The following MYOF variants were observed in gnomAD, a reference collection of about 807,000 sequenced individuals.
The protein encoded by MYOF is myoferlin, also known as fer-1-like 3, myoferlin.
In MYOF, 244 loss-of-function variants were observed where a neutral mutation model predicts 284.2. That is an observed-to-expected ratio of 0.86 (90% CI 0.77 to 0.95). The LOEUF is 0.95. Ranked by LOEUF, MYOF falls within the 40% of genes least tolerant of loss-of-function variation. MYOF has a pLI of 0.00. For missense variants in MYOF, 2,496 were observed against 2,560.6 expected, an observed-to-expected ratio of 0.97 and a Z score of 0.54; for synonymous variants, 904 against 919.7, an observed-to-expected ratio of 0.98 and a Z score of 0.31.
Position 93,307,198 on chromosome 10 carries a change from C to G in MYOF, c.6148-197G>C, listed in dbSNP as rs865934864. On this transcript the variant is annotated intron_variant, in intron 53 of 53. Transcript: ENST00000359263. ...CCGAGTGCCAGTAGCACCCCCCCGC[C>G]AAGTTGTTGCAACCAAAATGTCTCC... is the stretch of plus-strand genomic sequence containing the variant. Among the ~76,000 whole-genome samples the G allele has an allele frequency of 3.6e-3, 548 of 151,540 alleles. 4 individuals carry two copies. The highest frequency in any genetic ancestry group is 0.013 in the African/African-American group (527 of 41,334).
At chr10:93,356,035 C>T (rs1262324886) in intron 30 of MYOF, among the ~76,000 whole-genome samples, 4 of 152,074 alleles carry the variant, frequency 2.6e-5, no homozygotes, top group African/African-American at 9.7e-5. Flanking sequence ...AGAGGATAAA[C>T]AGGGAGTAAA....
chr10:93,369,814 C>T, intron 24 of MYOF, 38 bp from the exon 25 acceptor site: 1 of 1,612,106 alleles, frequency 6.2e-7, no homozygotes, highest in Admixed American at 1.7e-5. Flanking sequence ...TTACATTAGG[C>T]ACAGCAAAGA....
chr10:93,452,050 T>C lies in MYOF; in HGVS notation c.236A>G (p.Lys79Arg), dbSNP rs2056606502. The C allele has an allele frequency of 6.2e-7, 1 of 1,604,490 alleles. No individual in the cohort carries two copies. ...VKDFETIGQN[K>R]LIGTATVALK... is the part of the protein sequence containing the mutation. The stretch of plus-strand genomic sequence containing the variant: ...AGAAAAACAGGTGAAAACAACTTAC[T>C]TATTTTGTCCAATTGTCTCAAAATC... The change falls in exon 3 of 54, where the codon AAA becomes AGA. Residue 79 changes from lysine (K) to arginine (R), a missense_variant and splice_region_variant. By Grantham distance (26) the Lys-to-Arg change is conservative (BLOSUM62 2). Around this residue, in one of 3 missense-constraint regions of MYOF, gnomAD observed 2,436 missense variants for 2,480.7 expected, o/e 0.98. Coordinates refer to ENST00000359263, the MANE Select transcript of MYOF (RefSeq NM_013451.4).
chr10:93,335,888 A>G, intron 41 of MYOF, 33 bp downstream of exon 41: 1 of 1,606,232 alleles, frequency 6.2e-7, no homozygotes, highest in African/African-American at 1.3e-5. Context: ...ATGAAGGTGG[A>G]TTTTAAACGG....
At chr10:93,440,888 A>G (rs1291557863) in intron 3 of MYOF, among the ~76,000 whole-genome samples, 5 of 152,220 alleles carry the variant, frequency 3.3e-5, no homozygotes, top group Admixed American at 6.5e-5. Context: ...ACAGATACCA[A>G]CAGGATTGCA....
intron 28 of MYOF, 88 bp downstream of exon 28, chr10:93,361,364 G>A: frequency 7.8e-7 from 1 of 1,288,724 alleles, no homozygotes; most frequent in Non-Finnish European, 1.1e-6. Context: ...CAACAGAAGT[G>A]AGGCCCCTCC....
intron 53 of MYOF, among the ~76,000 whole-genome samples, chr10:93,309,307 T>C (rs1940732919): frequency 6.6e-6 from 1 of 152,168 alleles, no homozygotes; most frequent in South Asian, 2.1e-4. Context: ...AATTTAATCA[T>C]CACTATAACT....
chr10:93,370,314 AT>A (rs916555324), intron 24 of MYOF, among the ~76,000 whole-genome samples: 5,633 of 122,240 alleles, frequency 0.046, 128 homozygotes, highest in Middle Eastern at 0.081. Flanking sequence ...ATGATTACTA[AT>A]TTTTTTTTTT....
intron 43 of MYOF, among the ~76,000 whole-genome samples, chr10:93,332,641 T>C (rs1039269070): frequency 7.9e-5 from 12 of 151,546 alleles, no homozygotes; most frequent in South Asian, 2.1e-4. Context: ...GTCAGGAGAT[T>C]GAGACCACCC....
At chr10:93,429,553 T>G (rs1689382834) in intron 4 of MYOF, among the ~76,000 whole-genome samples, 1 of 152,230 alleles carries the variant, frequency 6.6e-6, no homozygotes, top group Non-Finnish European at 1.5e-5. Flanking sequence ...AGCTAGGTTT[T>G]GGGTAAACAG....
At position 93,340,138 on chromosome 10, in the gene MYOF, G is replaced by T; in HGVS notation, c.4338+15C>A. On this transcript the variant is annotated intron_variant, in intron 39 of 53. Coordinates refer to ENST00000359263, the MANE Select transcript of MYOF (RefSeq NM_013451.4). ...ACATGAATCTTAAATGTAGCAAAAT[G>T]TATACCATAGTTACCTTTTCTGTCA... 6.2e-7 allele frequency: 1 copy of T among 1,613,628 alleles called. No individual in the cohort carries two copies. The highest frequency in any genetic ancestry group is 8.5e-7 in the Non-Finnish European group (1 of 1,179,728).
intron 19 of MYOF, among the ~76,000 whole-genome samples, chr10:93,383,347 G>A (rs1846214106): frequency 6.6e-6 from 1 of 152,080 alleles, no homozygotes; most frequent in Non-Finnish European, 1.5e-5. Flanking sequence ...CCTCCAATAG[G>A]GTTTTGTCAA....
intron 45 of MYOF, 92 bp from the exon 46 acceptor site, chr10:93,326,057 C>T: frequency 2.0e-6 from 3 of 1,536,654 alleles, no homozygotes; most frequent in Non-Finnish European, 2.7e-6. Context: ...TCATCCCAGA[C>T]TTTGCCAAAA....
chr10:93,446,197 G>GACA (rs1276669070), intron 3 of MYOF, among the ~76,000 whole-genome samples: 7,257 of 152,148 alleles, frequency 0.048, 563 homozygotes, highest in African/African-American at 0.16. Flanking sequence ...GCTGACGCAG[G>GACA]GTCGGCCTTC....
At position 93,366,276 on chromosome 10, in the gene MYOF, G is replaced by T. The variant is rs1845321561; in HGVS notation, c.2753+116C>A. On this transcript the variant is annotated intron_variant, in intron 26 of 53. Coordinates refer to ENST00000359263, the MANE Select transcript of MYOF (RefSeq NM_013451.4). ...TACAAATTTCAATGGACTTAGTTCT[G>T]CTCAGTGGGTGTTACATAACTATTA... The T allele has an allele frequency of 4.6e-6, 5 of 1,098,452 alleles. 1 individual carries two copies. The highest frequency in any genetic ancestry group is 2.9e-5 in the South Asian group (2 of 68,656). The allele number at this position is 1,098,452 out of a possible 1,614,324, so 68.0% of individuals were successfully genotyped here.
intron 27 of MYOF, 38 bp from the exon 28 acceptor site, chr10:93,361,595 G>A: frequency 7.5e-6 from 12 of 1,606,304 alleles, no homozygotes; most frequent in Non-Finnish European, 1.0e-5. Context: ...AGAGAGGTAA[G>A]CCATAGTGTC....
chr10:93,332,148 A>G (rs1286626932), intron 43 of MYOF, among the ~76,000 whole-genome samples: 2 of 152,062 alleles, frequency 1.3e-5, no homozygotes, highest in Non-Finnish European at 2.9e-5. Context: ...TAAGTTTGAC[A>G]TGGAGATGGA....
chr10:93,378,667 ATATGTGTGTGTG>A (rs1473116302), intron 21 of MYOF, among the ~76,000 whole-genome samples: 2 of 116,954 alleles, frequency 1.7e-5, no homozygotes, highest in Non-Finnish European at 3.3e-5. Flanking sequence ...GTATATGTGT[ATATGTGTGTGTG>A]TATGTGTGTG....
chr10:93,310,311 C>A, intron 52 of MYOF, 144 bp from the exon 53 acceptor site: 1 of 1,151,304 alleles, frequency 8.7e-7, no homozygotes, highest in East Asian at 2.5e-5. Context: ...CTGAGAAAGG[C>A]TCTTTAACCT....
Sources: allele counts gnomAD v4.1 joint callset (sites outside exome capture counted in the v4.1 genomes callset), GRCh38; gene constraint gnomAD v4.1.1; regional missense constraint gnomAD v4.1.1; transcripts MANE v1.5; gene names NCBI Gene and HGNC (gene_info 2026-07-23, HGNC 2026-07-21).